Variants in EDA observed in about 807,000 individuals in gnomAD.
EDA encodes ectodysplasin A.
A neutral mutation model predicts 23.6 loss-of-function variants in EDA; 2 were observed. That is an observed-to-expected ratio of 0.08 (90% CI 0.03 to 0.27). The LOEUF is 0.27. Ranked by LOEUF, EDA falls within the 10% of genes least tolerant of loss-of-function variation. The probability of loss-of-function intolerance (pLI) is 1.00; values close to 1 mark genes in which losing one functional copy is unlikely to be tolerated. For missense variants in EDA, 229 were observed against 324.2 expected, an observed-to-expected ratio of 0.71 and a Z score of 2.26; for synonymous variants, 131 against 132.0, an observed-to-expected ratio of 0.99 and a Z score of 0.05.
chrX:69,642,398 A>T (rs909366818), intron 1 of EDA, among the ~76,000 whole-genome samples: 2 of 111,252 alleles, frequency 1.8e-5, no homozygotes, highest in African/African-American at 3.3e-5. Flanking sequence ...TATACGTTAT[A>T]TGTGTATATT....
intron 1 of EDA, among the ~76,000 whole-genome samples, chrX:69,818,971 T>C (rs2016147365): frequency 9.0e-6 from 1 of 111,674 alleles, no homozygotes; most frequent in African/African-American, 3.3e-5. Flanking sequence ...AAATCCTCAA[T>C]AAAATACTGA....
At chrX:69,900,436 A>T (rs981555293) in intron 1 of EDA, among the ~76,000 whole-genome samples, 21 of 107,498 alleles carry the variant, frequency 2.0e-4, no homozygotes, top group African/African-American at 3.7e-4. Context: ...TGATATATAT[A>T]TTTTAATACA....
At chrX:69,706,105 T>C (rs1197400759) in intron 1 of EDA, among the ~76,000 whole-genome samples, 1 of 112,257 alleles carries the variant, frequency 8.9e-6, no homozygotes, top group Non-Finnish European at 1.9e-5. Flanking sequence ...CCTTTATAGA[T>C]GTAAATTTAT....
At chrX:69,646,589 G>A (rs1932932562) in intron 1 of EDA, among the ~76,000 whole-genome samples, 1 of 111,656 alleles carries the variant, frequency 9.0e-6, no homozygotes, top group African/African-American at 3.3e-5. Flanking sequence ...ACATGAGATG[G>A]GTCACTTGAA....
chrX:69,951,177 T>TA (rs1207083975), intron 1 of EDA, among the ~76,000 whole-genome samples: 108 of 106,918 alleles, frequency 1.0e-3, no homozygotes, highest in African/African-American at 3.4e-3. Context: ...TAAAGAAAAA[T>TA]AAAAAAAAAT....
chrX:69,945,457 C>T (rs2018821109), intron 1 of EDA, among the ~76,000 whole-genome samples: 1 of 111,917 alleles, frequency 8.9e-6, no homozygotes, highest in Non-Finnish European at 1.9e-5. Flanking sequence ...GACAAACCTA[C>T]ATTGTTTATC....
intron 1 of EDA, among the ~76,000 whole-genome samples, chrX:69,678,253 T>C (rs1180062777): frequency 2.7e-5 from 3 of 109,133 alleles, no homozygotes; most frequent in Non-Finnish European, 5.8e-5. Context: ...AGTCAGGTAG[T>C]GTGATGCCTC....
intron 2 of EDA, among the ~76,000 whole-genome samples, chrX:70,009,405 C>G (rs6525348): frequency 0.092 from 10,207 of 111,471 alleles, 1,103 homozygotes; most frequent in African/African-American, 0.31. Context: ...GTATCCAATA[C>G]TATAAATTTC....
At chrX:69,788,218 T>C (rs1489447918) in intron 1 of EDA, among the ~76,000 whole-genome samples, 3 of 112,126 alleles carry the variant, frequency 2.7e-5, no homozygotes, top group Admixed American at 9.4e-5. Flanking sequence ...AGTTTTCAAC[T>C]TCTTTGCCTT....
intron 1 of EDA, among the ~76,000 whole-genome samples, chrX:69,637,685 C>T (rs938431182): frequency 7.3e-5 from 8 of 109,123 alleles, no homozygotes; most frequent in Non-Finnish European, 1.3e-4. Context: ...ATTTCTTCGT[C>T]TATAATAAAG....
rs182599520 is a variant in EDA, at chrX:69,898,507, C to T, written c.397-58520C>T. Among the ~76,000 whole-genome samples the T allele has an allele frequency of 5.0e-3, 549 of 110,338 alleles. 1 individual carries two copies. Among genetic ancestry groups the T allele is most frequent in the Non-Finnish European group, 6.8e-3 (358 of 52,745 alleles). On this transcript the variant is annotated intron_variant, in intron 1 of 7. Transcript: ENST00000374552. ...TGAGACACGAGAATCGCTTGAAACCCGGGAGGCGGAGGTTGCAGTGAGCCG... is the reference window on the plus strand; with the variant it reads ...TGAGACACGAGAATCGCTTGAAACCTGGGAGGCGGAGGTTGCAGTGAGCCG...
chrX:69,662,437 G>T (rs183468755), intron 1 of EDA, among the ~76,000 whole-genome samples: 47 of 112,131 alleles, frequency 4.2e-4, no homozygotes, highest in African/African-American at 1.5e-3. Flanking sequence ...AATGTAAGAT[G>T]TGTCTTGCTT....
chrX:69,833,297 T>C (rs1440733229), intron 1 of EDA, among the ~76,000 whole-genome samples: 1 of 110,968 alleles, frequency 9.0e-6, no homozygotes, highest in African/African-American at 3.3e-5. Context: ...GTTGAGATAA[T>C]CATGTGGTTT....
At chrX:69,924,892 G>A (rs111433490) in intron 1 of EDA, among the ~76,000 whole-genome samples, 2,791 of 110,944 alleles carry the variant, frequency 0.025, 90 homozygotes, top group African/African-American at 0.087. Flanking sequence ...CTATTCCTGG[G>A]TATTTTATTC....
chrX:69,804,844 T>G (rs2015776942), intron 1 of EDA, among the ~76,000 whole-genome samples: 1 of 111,788 alleles, frequency 8.9e-6, no homozygotes, highest in Admixed American at 9.5e-5. Context: ...ACAATAAATG[T>G]CTACCACATT....
rs2012669516 is a variant in EDA at position 69,723,479 on chromosome X, A to G, written c.396+106775A>G. On this transcript the variant is annotated intron_variant, in intron 1 of 7. Transcript: ENST00000374552. ...AACTTGAACTTTCTGAACAGGAATC[A>G]TATCTAATTTTATATTTTGTATAGT... is the stretch of plus-strand genomic sequence containing the variant. Among the ~76,000 whole-genome samples, 3 of 112,129 alleles carry G rather than the reference A, an allele frequency of 2.7e-5. No individual in the cohort carries two copies. In the Admixed American group the frequency reaches 2.8e-4, roughly 11 times the overall value.
rs190888300 is a variant in EDA, at chrX:69,966,813, G to A, written c.502+9681G>A. On this transcript the variant is annotated intron_variant, in intron 2 of 7. Coordinates refer to ENST00000374552, the MANE Select transcript of EDA (RefSeq NM_001399.5). The stretch of plus-strand genomic sequence containing the variant: ...GAGTTCTATGTAGTTCTGTGTAATG[G>A]TCTGAAGTAGCCATGTTCTATTGCT... Among the ~76,000 whole-genome samples the A allele has an allele frequency of 3.7e-3, 406 of 109,681 alleles. 2 individuals are homozygous for A. The highest frequency in any genetic ancestry group is 0.012 in the African/African-American group (374 of 30,300).
In EDA at chrX:69,831,886, CT is replaced by C. The variant is rs1268484934; in HGVS notation, c.397-125132del. On this transcript the variant is annotated intron_variant, in intron 1 of 7. Transcript: ENST00000374552. ...ATCCTTTGCCCACTTTTTGATGCAG[CT>C]TTTTTTTTCTTGTAAATTTGTTTGA... Among the ~76,000 whole-genome samples, 5 of 109,775 alleles carry C rather than the reference CT, an allele frequency of 4.6e-5. No individual in the cohort carries two copies. In the East Asian group the frequency reaches 1.4e-3, roughly 32 times the overall value.
At chrX:69,751,313 T>C (rs1479327207) in intron 1 of EDA, among the ~76,000 whole-genome samples, 1 of 112,112 alleles carries the variant, frequency 8.9e-6, no homozygotes, top group Non-Finnish European at 1.9e-5. Flanking sequence ...TTTGTCAGGT[T>C]TGTCAAAGAT....
Sources: gnomAD v4.1 joint callset for allele counts (sites outside exome capture counted in the v4.1 genomes callset) on GRCh38, gnomAD v4.1.1 for gene constraint, MANE v1.5 for transcripts, NCBI Gene and HGNC (gene_info 2026-07-23, HGNC 2026-07-21) for gene names.